Variants in LTBP1 observed in about 807,000 individuals in gnomAD.
The protein encoded by LTBP1 is latent-transforming growth factor beta-binding protein 1.
Under a neutral mutation model 207.6 loss-of-function variants are expected in LTBP1, and 129 were observed. The ratio of observed to expected loss-of-function variants is 0.62; its 90% confidence interval spans 0.54 to 0.72. The LOEUF (loss-of-function observed/expected upper bound fraction) is 0.72. Ranked by LOEUF, LTBP1 falls within the 30% of genes least tolerant of loss-of-function variation. The pLI is 0.00. For missense variants in LTBP1, 2,281 were observed against 2,217.2 expected (o/e 1.03, Z -0.58); for synonymous variants, 963 against 833.7 (o/e 1.16, Z -2.67).
At chr2:32,960,596 A>AT (rs1240614912) in intron 2 of LTBP1, among the ~76,000 whole-genome samples, 3 of 151,908 alleles carry the variant, frequency 2.0e-5, no homozygotes, top group East Asian at 1.9e-4. Flanking sequence ...ATGTTGTATG[A>AT]TTTTTTTTCC....
intron 7 of LTBP1, among the ~76,000 whole-genome samples, chr2:33,211,461 A>G (rs1320140179): frequency 4.6e-5 from 7 of 152,200 alleles, no homozygotes; most frequent in African/African-American, 1.4e-4. Context: ...TTGGACAAGC[A>G]TCATTTAATC....
chr2:32,948,856 C>G lies in LTBP1; in HGVS notation c.495-19C>G. The G allele has an allele frequency of 6.2e-7, 1 of 1,612,488 alleles. No individual in the cohort carries two copies. On this transcript the variant is annotated intron_variant, in intron 1 of 33. Transcript: ENST00000404816. ...GGGGTCTTTCTGCTGCTGGACTCAG[C>G]GATCTTGCTTTGTTTCAGGGTCAAT...
chr2:33,149,667 T>C (rs1311829259), intron 5 of LTBP1, among the ~76,000 whole-genome samples: 2 of 152,188 alleles, frequency 1.3e-5, no homozygotes, highest in African/African-American at 4.8e-5. Context: ...TGATGGGCCT[T>C]CATTCTGAAG....
chr2:33,356,020 G>A (rs535878310), intron 26 of LTBP1, among the ~76,000 whole-genome samples: 3 of 151,816 alleles, frequency 2.0e-5, no homozygotes, highest in Admixed American at 2.0e-4. Context: ...GAACACCAGG[G>A]GTTTGGTCTA....
intron 3 of LTBP1, among the ~76,000 whole-genome samples, chr2:33,075,606 G>C (rs951016715): frequency 3.3e-5 from 5 of 152,110 alleles, no homozygotes; most frequent in Non-Finnish European, 7.3e-5. Context: ...AAGAATGATG[G>C]GCTGTAAAAT....
chr2:33,138,803 T>A (rs934570834), intron 5 of LTBP1, among the ~76,000 whole-genome samples: 1 of 151,466 alleles, frequency 6.6e-6, no homozygotes, highest in African/African-American at 2.4e-5. Context: ...TTAGCACCAA[T>A]TGAATAATTA....
chr2:33,057,640 C>T (rs547827671), intron 3 of LTBP1, among the ~76,000 whole-genome samples: 1 of 152,362 alleles, frequency 6.6e-6, no homozygotes, highest in South Asian at 2.1e-4. Context: ...TGCTGGGGGA[C>T]CTGGCGCACC....
chr2:32,973,071 T>G (rs1053415322), intron 2 of LTBP1, among the ~76,000 whole-genome samples: 3 of 152,152 alleles, frequency 2.0e-5, no homozygotes, highest in African/African-American at 7.2e-5. Context: ...TGTGGTCAAT[T>G]TTAGAGTATG....
At chr2:33,085,139 G>C (rs2078675372) in intron 3 of LTBP1, among the ~76,000 whole-genome samples, 1 of 152,154 alleles carries the variant, frequency 6.6e-6, no homozygotes, top group African/African-American at 2.4e-5. Context: ...CCGAGAAATG[G>C]CTGGAGCCCC....
At chr2:32,984,861 G>A (rs979027422) in intron 2 of LTBP1, among the ~76,000 whole-genome samples, 4 of 152,172 alleles carry the variant, frequency 2.6e-5, no homozygotes, top group African/African-American at 7.2e-5. Context: ...AACCCAGGAG[G>A]CGGAGGTCGC....
At chr2:33,057,850 T>C (rs1197571024) in intron 3 of LTBP1, among the ~76,000 whole-genome samples, 2 of 152,234 alleles carry the variant, frequency 1.3e-5, no homozygotes, top group Admixed American at 1.3e-4. Flanking sequence ...GGCTCCGGCC[T>C]CGGCCAGCCC....
chr2:33,090,613 T>G (rs935923569), intron 3 of LTBP1, among the ~76,000 whole-genome samples: 2 of 152,170 alleles, frequency 1.3e-5, no homozygotes, highest in Non-Finnish European at 2.9e-5. Context: ...TTGGAAAGTT[T>G]AAGTGATTTG....
At chr2:32,972,110 G>GT (rs1452965291) in intron 2 of LTBP1, among the ~76,000 whole-genome samples, 1 of 97,150 alleles carries the variant, frequency 1.0e-5, no homozygotes, top group Non-Finnish European at 2.8e-5. Flanking sequence ...GAGTCTCTGA[G>GT]TTTTTTGTTT....
At chr2:33,251,523 G>A (rs1338431196) in intron 10 of LTBP1, among the ~76,000 whole-genome samples, 9 of 152,058 alleles carry the variant, frequency 5.9e-5, no homozygotes. Context: ...AAATTAGCCG[G>A]GTGTGGTAGT....
intron 7 of LTBP1, among the ~76,000 whole-genome samples, chr2:33,197,620 TC>T (rs1382139493): frequency 2.6e-5 from 4 of 152,244 alleles, no homozygotes; most frequent in Non-Finnish European, 5.9e-5. Flanking sequence ...TGACCTAAAT[TC>T]AAAGCTTGTT....
chr2:33,210,097 G>T (rs1043183728), intron 7 of LTBP1, among the ~76,000 whole-genome samples: 2 of 152,212 alleles, frequency 1.3e-5, no homozygotes, highest in African/African-American at 4.8e-5. Context: ...AGGGGAATGT[G>T]GTTGTGCAGA....
At position 33,293,245 on chromosome 2, in the gene LTBP1, A is replaced by C; in HGVS notation, c.3198A>C (p.Lys1066Asn). The C allele has an allele frequency of 6.2e-7, 1 of 1,614,074 alleles. No individual in the cohort carries two copies. The highest frequency in any genetic ancestry group is 8.5e-7 in the Non-Finnish European group (1 of 1,179,986). Reference protein sequence around the residue: ...LEGSYMCSCHKGYTRTPDHKH... With the variant: ...LEGSYMCSCHNGYTRTPDHKH... ...GCTCCTACATGTGTTCATGCCACAA[A>C]GGCTATACCCGGACTCCGGACCACA... is the stretch of plus-strand genomic sequence containing the variant. Residue 1066 changes from lysine (K) to asparagine (N), a missense_variant, in exon 20 of 34, where the codon AAA becomes AAC. This residue lies in a region of LTBP1 where 1,671 missense variants were observed against 1,634.8 expected (regional missense o/e 1.02). Coordinates refer to ENST00000404816, the MANE Select transcript of LTBP1 (RefSeq NM_206943.4).
At chr2:33,084,505 T>C (rs1175794699) in intron 3 of LTBP1, among the ~76,000 whole-genome samples, 1 of 152,072 alleles carries the variant, frequency 6.6e-6, no homozygotes, top group East Asian at 1.9e-4. Flanking sequence ...TCACTGGGCT[T>C]TAGGGAACTC....
chr2:33,004,821 A>G (rs893292769), intron 2 of LTBP1, among the ~76,000 whole-genome samples: 1 of 146,274 alleles, frequency 6.8e-6, no homozygotes, highest in Non-Finnish European at 1.5e-5. Context: ...ATATAAACAT[A>G]AAATTTGTAA....
Sources: gnomAD v4.1 joint callset for allele counts (sites outside exome capture counted in the v4.1 genomes callset) on GRCh38, gnomAD v4.1.1 for gene constraint, gnomAD v4.1.1 regional missense constraint, MANE v1.5 for transcripts, NCBI Gene and HGNC (gene_info 2026-07-23, HGNC 2026-07-21) for gene names.